WDR27: variants seen among roughly 807,000 people sequenced by gnomAD.
WDR27 encodes WD repeat domain 27.
In WDR27, 100 loss-of-function variants were observed where a neutral mutation model predicts 114.4. That is an observed-to-expected ratio of 0.87 (90% confidence interval 0.74 to 1.03). WDR27 has a LOEUF of 1.03. Ranked by LOEUF, WDR27 falls within the 50% of genes least tolerant of loss-of-function variation. The pLI, the probability that WDR27 is intolerant of heterozygous loss-of-function variation, is 0.00. For synonymous variants in WDR27, 449 were observed against 423.1 expected (o/e 1.06, Z -0.75); for missense variants, 1,129 against 1,092.9 (o/e 1.03, Z -0.47).
At chr6:169,500,878 C>A (rs1791104972) in intron 25 of WDR27, among the ~76,000 whole-genome samples, 1 of 152,224 alleles carries the variant, frequency 6.6e-6, no homozygotes, top group Non-Finnish European at 1.5e-5. Flanking sequence ...GCCCAGGGCC[C>A]CGTGCAGGGC....
intron 1 of WDR27, 112 bp from the exon 2 acceptor site, chr6:169,689,124 T>A: frequency 1.6e-6 from 1 of 625,636 alleles, no homozygotes; most frequent in Non-Finnish European, 2.5e-6. Context: ...TACCACATCA[T>A]ACCTATTTAT....
chr6:169,518,245 A>G (rs1310059033), intron 25 of WDR27, among the ~76,000 whole-genome samples: 2 of 152,222 alleles, frequency 1.3e-5, no homozygotes, highest in Non-Finnish European at 2.9e-5. Context: ...CACTAAGCAG[A>G]GCCCTCTTGG....
At chr6:169,636,095 T>C (rs374435289) in intron 19 of WDR27, among the ~76,000 whole-genome samples, 2 of 152,336 alleles carry the variant, frequency 1.3e-5, no homozygotes, top group South Asian at 4.1e-4. Context: ...CCACATAACA[T>C]CACTTCAATA....
intron 13 of WDR27, among the ~76,000 whole-genome samples, chr6:169,654,071 A>T (rs1272914126): frequency 6.6e-6 from 1 of 152,190 alleles, no homozygotes; most frequent in African/African-American, 2.4e-5. Context: ...AAATACAAAA[A>T]CAAACAAAAC....
At chr6:169,547,912 T>C (rs1341356432) in intron 25 of WDR27, among the ~76,000 whole-genome samples, 1 of 149,662 alleles carries the variant, frequency 6.7e-6, no homozygotes, top group Non-Finnish European at 1.5e-5. Context: ...TGAAAGAATT[T>C]ACCAAAAAAA....
chr6:169,668,233 C>CT (rs746503351), intron 4 of WDR27, 48 bp from the exon 5 acceptor site: 1 of 1,593,316 alleles, frequency 6.3e-7, no homozygotes, highest in East Asian at 2.2e-5. Flanking sequence ...CTGGAATTCT[C>CT]TGTATATAAA....
chr6:169,522,370 T>C (rs1794483705), intron 25 of WDR27, among the ~76,000 whole-genome samples: 2 of 152,024 alleles, frequency 1.3e-5, no homozygotes, highest in African/African-American at 4.8e-5. Flanking sequence ...AATGTAATAA[T>C]AACAGGGAAC....
At position 169,701,863 on chromosome 6, in the gene WDR27, G is replaced by C; in HGVS notation, c.-320C>G. The C allele has an allele frequency of 5.9e-6, 2 of 340,414 alleles. No homozygotes were observed. The allele number at this position is 340,414 out of a possible 1,614,324, so 21.1% of individuals were successfully genotyped here. A position where few individuals can be genotyped will look rare whatever the true frequency, so the allele number is the denominator to read the frequency against. On this transcript the variant is annotated 5_prime_UTR_variant, in exon 1 of 26. Transcript: ENST00000448612. ...CTGCGCCCTAGGCACACGCCCCAGA[G>C]CAGCAGCTCGGGTTCGGCGCCGACT... is the stretch of plus-strand genomic sequence containing the variant.
chr6:169,697,859 C>T (rs1786635144), intron 1 of WDR27, among the ~76,000 whole-genome samples: 1 of 152,180 alleles, frequency 6.6e-6, no homozygotes, highest in South Asian at 2.1e-4. Flanking sequence ...GTCTCCGTGA[C>T]TTGGTGGTAG....
intron 14 of WDR27, among the ~76,000 whole-genome samples, chr6:169,650,062 C>A (rs1821905134): frequency 6.7e-6 from 1 of 149,122 alleles, no homozygotes; most frequent in South Asian, 2.2e-4. Context: ...CCCTCCATCA[C>A]CTCCATCTAC....
intron 2 of WDR27, among the ~76,000 whole-genome samples, chr6:169,674,248 G>A (rs1779514989): frequency 1.3e-5 from 2 of 152,160 alleles, no homozygotes; most frequent in East Asian, 1.9e-4. Context: ...GAAATGCGAT[G>A]CCTACAAGTC....
Position 169,546,135 on chromosome 6 carries a change from G to T in WDR27, c.2645+26284C>A, listed in dbSNP as rs114345111. 4.3e-3 allele frequency among the ~76,000 whole-genome samples: 659 copies of T among 152,268 alleles called. 3 individuals are homozygous for T. The highest frequency in any genetic ancestry group is 0.015 in the African/African-American group (636 of 41,546). On this transcript the variant is annotated intron_variant, in intron 25 of 25. Coordinates refer to ENST00000448612, the MANE Select transcript of WDR27 (RefSeq NM_182552.5). Reference sequence around the variant, plus strand: ...AAAACAGTGACAACATCAAATGCTGGCAAGGACACGAAGAAATGAATCACT... The same window carrying T: ...AAAACAGTGACAACATCAAATGCTGTCAAGGACACGAAGAAATGAATCACT...
At chr6:169,443,245 G>C in the WDR27 span, among the ~76,000 whole-genome samples, 8 of 152,292 alleles carry the variant, frequency 5.3e-5, no homozygotes, top group East Asian at 1.5e-3. Flanking sequence ...CGTCACCCAA[G>C]CTCAGCAGGA....
chr6:169,659,317 T>C lies in WDR27; in HGVS notation c.1198-110A>G. 6.4e-7 allele frequency: 1 copy of C among 1,557,024 alleles called. No homozygotes were observed. Among genetic ancestry groups the C allele is most frequent in the Non-Finnish European group, 8.7e-7 (1 of 1,144,842 alleles). On this transcript the variant is annotated intron_variant, in intron 11 of 25. Transcript: ENST00000448612. This position sits in a 1 kb window ranked among gnomAD's most constrained non-coding sequence, Gnocchi z 4.3. Reference sequence around the variant, plus strand: ...CTGCTTCATTCTCATAGCAGCGACATCGCCCTGTCACTCCTAAAACGTTTT... The same window carrying C: ...CTGCTTCATTCTCATAGCAGCGACACCGCCCTGTCACTCCTAAAACGTTTT...
chr6:169,579,024 T>TA (rs1485955454), intron 24 of WDR27, among the ~76,000 whole-genome samples: 1 of 152,128 alleles, frequency 6.6e-6, no homozygotes, highest in Non-Finnish European at 1.5e-5. Context: ...TGAGCCGATT[T>TA]CCATGAGTTT....
chr6:169,513,719 G>A (rs1476998759), intron 25 of WDR27, among the ~76,000 whole-genome samples: 1 of 148,162 alleles, frequency 6.7e-6, no homozygotes, highest in Non-Finnish European at 1.5e-5. Flanking sequence ...TAAACAATGT[G>A]TTTATTTATA....
rs1306888432 is a variant in WDR27 at position 169,683,253 on chromosome 6, A to G, written c.189+5564T>C. On this transcript the variant is annotated intron_variant, in intron 2 of 25. Coordinates refer to ENST00000448612, the MANE Select transcript of WDR27 (RefSeq NM_182552.5). ...CCCAAATAAAAATACCCAAAGATAT[A>G]TTATAATCAAACTTTCAAAGGTCAA... Among the ~76,000 whole-genome samples, 4 of 152,190 alleles carry G rather than the reference A, an allele frequency of 2.6e-5. No homozygotes were observed. The East Asian group carries it at 7.7e-4, about 29-fold the overall frequency.
At chr6:169,540,567 T>G (rs912219172) in intron 25 of WDR27, among the ~76,000 whole-genome samples, 5 of 151,974 alleles carry the variant, frequency 3.3e-5, no homozygotes, top group African/African-American at 1.2e-4. Context: ...GTAGCTGGGA[T>G]TACAGGCAGA....
At chr6:169,431,955 A>G in the WDR27 span, among the ~76,000 whole-genome samples, 1 of 152,240 alleles carries the variant, frequency 6.6e-6, no homozygotes, top group Non-Finnish European at 1.5e-5. Context: ...GTCTCCGAGT[A>G]AGCTCAGAGT....
Sources: gnomAD v4.1 joint callset for allele counts (sites outside exome capture counted in the v4.1 genomes callset) on GRCh38, gnomAD v4.1.1 for gene constraint, Gnocchi (gnomAD v3.1) non-coding constraint, MANE v1.5 for transcripts, NCBI Gene and HGNC (gene_info 2026-07-23, HGNC 2026-07-21) for gene names.